SCYL2: variants seen among roughly 807,000 people sequenced by gnomAD.
SCYL2 encodes the protein SCY1-like protein 2.
In SCYL2, 36 loss-of-function variants were observed where a neutral mutation model predicts 100.4. That is an observed-to-expected ratio of 0.36 (90% CI 0.27 to 0.47). SCYL2 has a LOEUF of 0.47. Ranked by LOEUF, SCYL2 falls within the 20% of genes least tolerant of loss-of-function variation. The probability of loss-of-function intolerance (pLI) is 1.00; values close to 1 mark genes in which losing one functional copy is unlikely to be tolerated. For synonymous variants in SCYL2, 330 were observed against 359.2 expected (o/e 0.92, Z 0.92); for missense variants, 902 against 1,083.9 (o/e 0.83, Z 2.36).
In SCYL2 at chr12:100,285,593, G is replaced by A. The variant is rs372414216; in HGVS notation, c.177+2446G>A. 4.6e-5 allele frequency among the ~76,000 whole-genome samples: 7 copies of A among 152,236 alleles called. No homozygotes were observed. In the South Asian group the frequency reaches 1.0e-3, roughly 23 times the overall value. ...CTTTTTAATTTTAGACATTCTGGGT[G>A]GAGGGTTTATCTAATTTTTGAAAAT... On this transcript the variant is annotated intron_variant, in intron 2 of 17. Coordinates refer to ENST00000360820, the MANE Select transcript of SCYL2 (RefSeq NM_017988.6).
chr12:100,328,672 G>T (rs1952169343), intron 12 of SCYL2, among the ~76,000 whole-genome samples: 1 of 152,218 alleles, frequency 6.6e-6, no homozygotes, highest in Admixed American at 6.5e-5. Context: ...AACAAGTGGG[G>T]TCTTGAAGAT....
Position 100,340,476 on chromosome 12 carries a change from T to C in SCYL2, c.*1304T>C, listed in dbSNP as rs982513921. 6.6e-6 allele frequency: 1 copy of C among 152,100 alleles called. No homozygotes were observed. Among genetic ancestry groups the C allele is most frequent in the Non-Finnish European group, 1.5e-5 (1 of 67,944 alleles). 9.4% of individuals were successfully genotyped at this position (152,100 alleles called of 1,614,324 possible). A position where few individuals can be genotyped will look rare whatever the true frequency, so the allele number is the denominator to read the frequency against. Reference sequence around the variant, plus strand: ...CATCTTTCAACGAACTATATATGTATTATAGTTGCTGCCATAGAGTTGATG... The same window carrying C: ...CATCTTTCAACGAACTATATATGTACTATAGTTGCTGCCATAGAGTTGATG... On this transcript the variant is annotated 3_prime_UTR_variant, in exon 18 of 18. Transcript: ENST00000360820.
At chr12:100,293,526 T>A (rs1004386919) in intron 3 of SCYL2, among the ~76,000 whole-genome samples, 4 of 152,246 alleles carry the variant, frequency 2.6e-5, no homozygotes, top group African/African-American at 7.2e-5. Flanking sequence ...CATGTTTTTT[T>A]TTTATTTATT....
rs1431667479 is a variant in SCYL2, at chr12:100,267,277, A to T, written c.-544A>T. ...TGCGGCCGCGGGGGCGGCGGAGGAT[A>T]TGGAGTAAAGCCAGAGTCAGTGGCC... On this transcript the variant is annotated 5_prime_UTR_variant, in exon 1 of 18. The change abolishes an upstream ATG in the 5' untranslated region. Coordinates refer to ENST00000360820, the MANE Select transcript of SCYL2 (RefSeq NM_017988.6). 1 of 587,276 alleles carries T rather than the reference A, an allele frequency of 1.7e-6. No individual in the cohort carries two copies. Among genetic ancestry groups the T allele is most frequent in the Admixed American group, 3.1e-5 (1 of 31,880 alleles). The allele number at this position is 587,276 out of a possible 1,614,324, so 36.4% of individuals were successfully genotyped here. A position where few individuals can be genotyped will look rare whatever the true frequency, so the allele number is the denominator to read the frequency against.
intron 11 of SCYL2, among the ~76,000 whole-genome samples, chr12:100,324,983 C>G (rs1302444341): frequency 2.0e-5 from 3 of 152,158 alleles, no homozygotes. Context: ...TTAATCCCAA[C>G]ACTTTGGGAG....
intron 2 of SCYL2, among the ~76,000 whole-genome samples, chr12:100,287,272 T>TTTGTTG (rs553036903): frequency 3.9e-5 from 6 of 151,968 alleles, no homozygotes; most frequent in Non-Finnish European, 7.4e-5. Flanking sequence ...TTCTTTGGTT[T>TTTGTTG]TTGTTGTTGT....
chr12:100,337,506 G>T lies in SCYL2; in HGVS notation c.2145G>T (p.Gln715His). 6.2e-7 allele frequency: 1 copy of T among 1,613,454 alleles called. No homozygotes were observed. The highest frequency in any genetic ancestry group is 1.7e-5 in the Admixed American group (1 of 59,978). The change falls in exon 17 of 18, where the codon CAG (glutamine) becomes CAT (histidine). Residue 715 changes from glutamine to histidine, a missense_variant and splice_region_variant. By Grantham distance (24) the Gln-to-His change is conservative. Transcript: ENST00000360820. Reference protein sequence around the residue: ...QVHTPVATVKQTKDLTDTLMD... With the variant: ...QVHTPVATVKHTKDLTDTLMD... ...ACACACCTGTTGCTACTGTTAAACA[G>T]GTCAGAGTTCATTTCTTTTGTGTAA...
At chr12:100,334,002 C>A (rs2373332) in intron 13 of SCYL2, 164 bp from the exon 14 acceptor site, 1 of 500,040 alleles carries the variant, frequency 2.0e-6, no homozygotes. Context: ...TATGATATGC[C>A]GAATTTAAAT....
At chr12:100,315,088 C>T (rs1013225048) in intron 8 of SCYL2, among the ~76,000 whole-genome samples, 7 of 152,134 alleles carry the variant, frequency 4.6e-5, no homozygotes, top group Non-Finnish European at 8.8e-5. Context: ...ATCAGATATT[C>T]GTTAGTTACC....
intron 4 of SCYL2, 67 bp downstream of exon 4, chr12:100,298,242 C>G (rs1237484832): frequency 8.7e-7 from 1 of 1,154,454 alleles, no homozygotes; most frequent in East Asian, 2.6e-5. Flanking sequence ...GCATTTCAAA[C>G]TTATTAACCA....
chr12:100,297,966 T>C, intron 3 of SCYL2, 65 bp from the exon 4 acceptor site: 1 of 1,195,694 alleles, frequency 8.4e-7, no homozygotes, highest in Non-Finnish European at 1.2e-6. Flanking sequence ...TAATATTTTA[T>C]GTATATTTGA....
At chr12:100,320,631 C>T (rs1042325028) in intron 10 of SCYL2, among the ~76,000 whole-genome samples, 1 of 152,040 alleles carries the variant, frequency 6.6e-6, no homozygotes, top group African/African-American at 2.4e-5. Context: ...GGAGAGAGCT[C>T]TCCCTATGTT....
At chr12:100,291,212 A>G (rs2096310217) in intron 2 of SCYL2, among the ~76,000 whole-genome samples, 1 of 152,180 alleles carries the variant, frequency 6.6e-6, no homozygotes, top group Non-Finnish European at 1.5e-5. Flanking sequence ...TTCTGTGTCC[A>G]TAAGAGATTA....
At chr12:100,336,733 T>G (rs2135945843) in intron 16 of SCYL2, among the ~76,000 whole-genome samples, 1 of 152,220 alleles carries the variant, frequency 6.6e-6, no homozygotes, top group East Asian at 1.9e-4. Context: ...TTGCTCCCCC[T>G]CTGATTTTGA....
At chr12:100,313,607 G>T in intron 7 of SCYL2, 69 bp downstream of exon 7, 2 of 831,394 alleles carry the variant, frequency 2.4e-6, no homozygotes, top group South Asian at 1.6e-5. Context: ...TAAGTTTTTG[G>T]GTTTTAAAAA....
chr12:100,327,027 A>C (rs765893221), intron 12 of SCYL2, among the ~76,000 whole-genome samples: 1 of 152,202 alleles, frequency 6.6e-6, no homozygotes, highest in East Asian at 1.9e-4. Context: ...TGAGAGAGGC[A>C]AACAAAGCTA....
chr12:100,267,863 C>T (rs1304436935), intron 1 of SCYL2, 71 bp downstream of exon 1: 1 of 152,772 alleles, frequency 6.5e-6, no homozygotes. Flanking sequence ...GCCCTGCCGC[C>T]CGCCGTCCTT....
intron 3 of SCYL2, among the ~76,000 whole-genome samples, chr12:100,297,546 C>T (rs1245534795): frequency 1.3e-5 from 2 of 152,224 alleles, no homozygotes; most frequent in Non-Finnish European, 2.9e-5. Context: ...AACTGGGCTA[C>T]TGGAGCTAGC....
intron 1 of SCYL2, among the ~76,000 whole-genome samples, chr12:100,282,174 G>A (rs1476640385): frequency 6.6e-6 from 1 of 151,762 alleles, no homozygotes; most frequent in Non-Finnish European, 1.5e-5. Context: ...GTGGGCACGC[G>A]CCACCATGCC....
Sources: gnomAD v4.1 joint callset for allele counts (sites outside exome capture counted in the v4.1 genomes callset) on GRCh38, gnomAD v4.1.1 for gene constraint, MANE v1.5 for transcripts, NCBI Gene and HGNC (gene_info 2026-07-23, HGNC 2026-07-21) for gene names.